The following SIDT1 variants were observed in gnomAD, a reference collection of about 807,000 sequenced individuals.
SIDT1 encodes SID1 transmembrane family, member 1.
In SIDT1, 101 loss-of-function variants were observed where a neutral mutation model predicts 107.5. The observed-to-expected ratio is 0.94, with a 90% confidence interval of 0.80 to 1.11. SIDT1 has a LOEUF of 1.11. Among genes scored for constraint, SIDT1 ranks in the 50% least tolerant of loss-of-function variants. The probability of loss-of-function intolerance (pLI) is 0.00; values close to 1 mark genes in which losing one functional copy is unlikely to be tolerated. For synonymous variants in SIDT1, 395 were observed against 398.2 expected, an observed-to-expected ratio of 0.99 and a Z score of 0.10; for missense variants, 1,076 against 1,058.2, an observed-to-expected ratio of 1.02 and a Z score of -0.23.
intron 5 of SIDT1, among the ~76,000 whole-genome samples, chr3:113,581,100 T>C (rs1048646194): frequency 4.6e-5 from 7 of 151,978 alleles, no homozygotes; most frequent in African/African-American, 1.4e-4. Flanking sequence ...TTAACGAAAA[T>C]TGAAAAAAGT....
At position 113,623,700 on chromosome 3, in the gene SIDT1, A is replaced by G. The variant is rs143958927; in HGVS notation, c.2274A>G (p.Leu758=). Reference sequence around the variant, plus strand: ...CCGCTGTGATGTGGGCTGCCGCCCTATATTTTTTCTTCCAGAATCTCAGCA... The same window carrying G: ...CCGCTGTGATGTGGGCTGCCGCCCTGTATTTTTTCTTCCAGAATCTCAGCA... ...VATAVMWAAA[L]YFFFQNLSSW... Residue 758 remains leucine (L), a synonymous_variant, in exon 23 of 25, where the codon CTA becomes CTG. Coordinates refer to ENST00000264852, the MANE Select transcript of SIDT1 (RefSeq NM_017699.3). 6.2e-6 allele frequency: 10 copies of G among 1,613,982 alleles called. No individual in the cohort carries two copies. Among genetic ancestry groups the G allele is most frequent in the African/African-American group, 5.3e-5 (4 of 75,042 alleles).
Position 113,543,459 on chromosome 3 carries a change from G to A in SIDT1, c.222+10216G>A, listed in dbSNP as rs373938600. On this transcript the variant is annotated intron_variant, in intron 1 of 24. Coordinates refer to ENST00000264852, the MANE Select transcript of SIDT1 (RefSeq NM_017699.3). Reference sequence around the variant, plus strand: ...GAGCCATCAGAGCTCCATGCCTTTCGTCTGCTTCTACCCACACAATTGCCA... The same window carrying A: ...GAGCCATCAGAGCTCCATGCCTTTCATCTGCTTCTACCCACACAATTGCCA... Among the ~76,000 whole-genome samples, 94 of 152,196 alleles carry A rather than the reference G, an allele frequency of 6.2e-4. No individual in the cohort carries two copies. In the East Asian group the frequency reaches 9.4e-3, roughly 15 times the overall value.
At chr3:113,543,139 C>T (rs1198721197) in intron 1 of SIDT1, among the ~76,000 whole-genome samples, 1 of 152,056 alleles carries the variant, frequency 6.6e-6, no homozygotes, top group Non-Finnish European at 1.5e-5. Flanking sequence ...CAGGGTTTCA[C>T]CATTTTGGCC....
chr3:113,613,197 C>A (rs1449628507), intron 19 of SIDT1, among the ~76,000 whole-genome samples: 1 of 152,236 alleles, frequency 6.6e-6, no homozygotes, highest in Non-Finnish European at 1.5e-5. Flanking sequence ...CAAATAGCCA[C>A]CACTTGGCCA....
intron 4 of SIDT1, among the ~76,000 whole-genome samples, chr3:113,579,508 G>T (rs1254204737): frequency 6.6e-6 from 1 of 152,108 alleles, no homozygotes; most frequent in Non-Finnish European, 1.5e-5. Context: ...AATTAAGTGG[G>T]TTCTTGGGGG....
intron 16 of SIDT1, 90 bp from the exon 17 acceptor site, chr3:113,608,329 C>T: frequency 6.5e-7 from 1 of 1,533,358 alleles, no homozygotes; most frequent in Non-Finnish European, 8.9e-7. Context: ...TAATAAACTA[C>T]ATGAGGCCAG....
rs765166905 is a variant in SIDT1 at position 113,585,315 on chromosome 3, CTG to C, written c.1001+49_1001+50del. On this transcript the variant is annotated intron_variant, in intron 9 of 24. Transcript: ENST00000264852. ...AAATGTTAATTCCCTGTGCCTGTCT[CTG>C]TGTAACGCTTGCAGCACAGACTTGA... The C allele has an allele frequency of 6.0e-5, 82 of 1,377,454 alleles. 1 individual carries two copies. Among genetic ancestry groups the C allele is most frequent in the Non-Finnish European group, 8.4e-5 (81 of 965,246 alleles). The allele number at this position is 1,377,454 out of a possible 1,614,324, so 85.3% of individuals were successfully genotyped here. A position where few individuals can be genotyped will look rare whatever the true frequency, so the allele number is the denominator to read the frequency against.
chr3:113,620,967 A>T (rs1295602996), intron 21 of SIDT1, among the ~76,000 whole-genome samples: 1 of 152,208 alleles, frequency 6.6e-6, no homozygotes, highest in Non-Finnish European at 1.5e-5. Context: ...GCTCTGTGGA[A>T]CAAAAGGGCC....
intron 4 of SIDT1, among the ~76,000 whole-genome samples, chr3:113,578,710 C>A (rs1943106322): frequency 6.6e-6 from 1 of 151,968 alleles, no homozygotes; most frequent in Non-Finnish European, 1.5e-5. Context: ...AAAAAATTAG[C>A]CGGGTATGGT....
chr3:113,601,415 A>C (rs1337353315), intron 10 of SIDT1, 173 bp from the exon 11 acceptor site: 8 of 506,160 alleles, frequency 1.6e-5, no homozygotes, highest in Non-Finnish European at 2.8e-5. Context: ...ATACAGAAAC[A>C]GGTGGCAGGC....
chr3:113,632,533 A>G (rs552790625), downstream of SIDT1, among the ~76,000 whole-genome samples: 3 of 152,208 alleles, frequency 2.0e-5, no homozygotes, highest in Non-Finnish European at 2.9e-5. Flanking sequence ...TACCTTGTGA[A>G]GTAATAAGCT....
chr3:113,605,582 C>T (rs1044079727), intron 14 of SIDT1, among the ~76,000 whole-genome samples: 1 of 152,220 alleles, frequency 6.6e-6, no homozygotes, highest in Non-Finnish European at 1.5e-5. Flanking sequence ...TTACTTAACA[C>T]TCTGAGCTTT....
chr3:113,623,728 T>C lies in SIDT1; in HGVS notation c.2302T>C (p.Trp768Arg), dbSNP rs747866418. ...LYFFFQNLSS[W>R]EGTPAESREK... ...TTTTTTCTTCCAGAATCTCAGCAGC[T>C]GGGAGGTAAGAGGCCAGTTTTCTTA... Residue 768 changes from tryptophan (W) to arginine (R), a missense_variant, in exon 23 of 25, where the codon TGG (tryptophan) becomes CGG (arginine). Physicochemically the swap from Trp to Arg is moderately radical, Grantham distance 101. Coordinates refer to ENST00000264852, the MANE Select transcript of SIDT1 (RefSeq NM_017699.3). 2.6e-5 allele frequency: 42 copies of C among 1,612,394 alleles called. No individual in the cohort carries two copies. Among genetic ancestry groups the C allele is most frequent in the Non-Finnish European group, 3.5e-5 (41 of 1,178,698 alleles).
At chr3:113,619,105 G>A (rs889839932) in intron 20 of SIDT1, among the ~76,000 whole-genome samples, 5 of 152,144 alleles carry the variant, frequency 3.3e-5, no homozygotes, top group East Asian at 1.9e-4. Context: ...GATTATAGGC[G>A]TGAGCCACCA....
At chr3:113,623,965 A>G (rs1946663587) in intron 23 of SIDT1, among the ~76,000 whole-genome samples, 1 of 152,314 alleles carries the variant, frequency 6.6e-6, no homozygotes, top group Admixed American at 6.5e-5. Context: ...CTTGGTCTTC[A>G]TTGCATGTTG....
chr3:113,541,669 C>T (rs1257829766), intron 1 of SIDT1, among the ~76,000 whole-genome samples: 1 of 152,178 alleles, frequency 6.6e-6, no homozygotes. Flanking sequence ...CATATTCTCA[C>T]TTTCATGTTT....
intron 1 of SIDT1, among the ~76,000 whole-genome samples, chr3:113,550,821 T>C (rs548697535): frequency 6.6e-6 from 1 of 152,290 alleles, no homozygotes; most frequent in African/African-American, 2.4e-5. Flanking sequence ...TCATGGGGCT[T>C]TGTTGTACAG....
At chr3:113,591,825 A>T (rs1465979462) in intron 9 of SIDT1, among the ~76,000 whole-genome samples, 1 of 152,268 alleles carries the variant, frequency 6.6e-6, no homozygotes, top group Non-Finnish European at 1.5e-5. Context: ...ATATGTCCAC[A>T]CAAAAATGTG....
intron 4 of SIDT1, 70 bp downstream of exon 4, chr3:113,577,037 T>C (rs1942960916): frequency 2.8e-6 from 4 of 1,442,462 alleles, no homozygotes; most frequent in Non-Finnish European, 3.9e-6. Flanking sequence ...AGTGAAACCA[T>C]GTTACCCTGG....
Sources: allele counts gnomAD v4.1 joint callset (sites outside exome capture counted in the v4.1 genomes callset), GRCh38; gene constraint gnomAD v4.1.1; transcripts MANE v1.5; gene names NCBI Gene and HGNC (gene_info 2026-07-23, HGNC 2026-07-21).